RAB28: variants seen among roughly 807,000 people sequenced by gnomAD.
RAB28 encodes the protein ras-related protein Rab-28.
A neutral mutation model predicts 31.7 loss-of-function variants in RAB28; 24 were observed. The ratio of observed to expected loss-of-function variants is 0.76; its 90% CI spans 0.55 to 1.06. The LOEUF is 1.06. Ranked by LOEUF, RAB28 falls within the 50% of genes least tolerant of loss-of-function variation. The pLI, the probability that RAB28 is intolerant of heterozygous loss-of-function variation, is 0.00. For missense variants in RAB28, 254 were observed against 258.5 expected (o/e 0.98, Z 0.12); for synonymous variants, 100 against 90.4 (o/e 1.11, Z -0.60).
intron 6 of RAB28, chr4:13,370,121 GCACA>G (rs1728665479): frequency 1.0e-6 from 1 of 975,106 alleles, no homozygotes; most frequent in Non-Finnish European, 1.2e-6. Context: ...ACACACACAC[GCACA>G]CACAAACAGC....
chr4:13,466,636 G>T (rs1045095572), intron 3 of RAB28, among the ~76,000 whole-genome samples: 1 of 151,740 alleles, frequency 6.6e-6, no homozygotes, highest in African/African-American at 2.4e-5. Flanking sequence ...CTGTATGGAG[G>T]TTCCTCAAAA....
intron 4 of RAB28, among the ~76,000 whole-genome samples, chr4:13,414,647 G>A (rs1268156362): frequency 2.0e-5 from 3 of 152,124 alleles, no homozygotes; most frequent in African/African-American, 4.8e-5. Context: ...GACAAGGCTG[G>A]TACAAACTTC....
At chr4:13,447,068 AATCTATTATT>A (rs960829521) in intron 4 of RAB28, among the ~76,000 whole-genome samples, 1 of 151,934 alleles carries the variant, frequency 6.6e-6, no homozygotes, top group Non-Finnish European at 1.5e-5. Context: ...ACTGTGAGAG[AATCTATTATT>A]CCTAGCCAAC....
At chr4:13,421,567 C>G (rs1713147423) in intron 4 of RAB28, among the ~76,000 whole-genome samples, 1 of 151,942 alleles carries the variant, frequency 6.6e-6, no homozygotes, top group Admixed American at 6.6e-5. Flanking sequence ...ATAGAACAAT[C>G]TAACAGAACA....
rs552930752 is a variant in RAB28, at chr4:13,437,534, A to G, written c.391+23165T>C. 2.0e-5 allele frequency among the ~76,000 whole-genome samples: 3 copies of G among 152,172 alleles called. No homozygotes were observed. In the South Asian group the frequency reaches 6.2e-4, roughly 32 times the overall value. The stretch of plus-strand genomic sequence containing the variant: ...AGGAAAAAAAAATAACCGCAACAAA[A>G]AGTGGACTAATGACATACAACACTT... On this transcript the variant is annotated intron_variant, in intron 4 of 6. Coordinates refer to ENST00000330852, the MANE Select transcript of RAB28 (RefSeq NM_001017979.3).
intron 4 of RAB28, among the ~76,000 whole-genome samples, chr4:13,426,268 CT>C (rs1713483231): frequency 6.6e-6 from 1 of 152,130 alleles, no homozygotes; most frequent in South Asian, 2.1e-4. Context: ...GAAATTCATC[CT>C]CTTCTTAGTC....
At chr4:13,373,105 T>C (rs1381911689) in intron 6 of RAB28, among the ~76,000 whole-genome samples, 1 of 152,136 alleles carries the variant, frequency 6.6e-6, no homozygotes, top group Non-Finnish European at 1.5e-5. Flanking sequence ...CAAGTAGATA[T>C]GGCAAAACTT....
At chr4:13,413,963 T>G (rs1712603640) in intron 4 of RAB28, among the ~76,000 whole-genome samples, 1 of 152,144 alleles carries the variant, frequency 6.6e-6, no homozygotes, top group South Asian at 2.1e-4. Flanking sequence ...TATTTTCTCC[T>G]CAAGTGACAG....
chr4:13,397,415 T>A (rs536592029), intron 4 of RAB28, among the ~76,000 whole-genome samples: 1 of 152,254 alleles, frequency 6.6e-6, no homozygotes, highest in South Asian at 2.1e-4. Flanking sequence ...CTCTATTTCA[T>A]GACCTGGGAA....
chr4:13,373,235 T>C (rs1362053371), intron 6 of RAB28, among the ~76,000 whole-genome samples: 4 of 152,086 alleles, frequency 2.6e-5, no homozygotes, highest in Admixed American at 6.6e-5. Context: ...ACGGCAATTG[T>C]AAATTTATTT....
chr4:13,475,704 C>T (rs1013518441), intron 2 of RAB28, among the ~76,000 whole-genome samples: 3 of 151,510 alleles, frequency 2.0e-5, no homozygotes, highest in Admixed American at 6.6e-5. Flanking sequence ...ACCACAGACA[C>T]ACACTTTCAA....
intron 4 of RAB28, among the ~76,000 whole-genome samples, chr4:13,451,854 C>T (rs1714985345): frequency 6.6e-6 from 1 of 151,806 alleles, no homozygotes; most frequent in Non-Finnish European, 1.5e-5. Flanking sequence ...GTGTCCTTTC[C>T]CCACTGAGTG....
At chr4:13,408,545 G>C (rs1712236034) in intron 4 of RAB28, among the ~76,000 whole-genome samples, 4 of 152,000 alleles carry the variant, frequency 2.6e-5, no homozygotes, top group Admixed American at 2.6e-4. Flanking sequence ...GTTAAGGGAG[G>C]AGTCGCACTT....
chr4:13,375,749 T>C (rs1032648419), intron 6 of RAB28, among the ~76,000 whole-genome samples: 1 of 151,502 alleles, frequency 6.6e-6, no homozygotes, highest in Non-Finnish European at 1.5e-5. Context: ...ATTTCAAATA[T>C]TTGCTTCAAT....
At chr4:13,404,520 T>TTTATTAAAA (rs1711958986) in intron 4 of RAB28, among the ~76,000 whole-genome samples, 1 of 152,136 alleles carries the variant, frequency 6.6e-6, no homozygotes, top group Non-Finnish European at 1.5e-5. Context: ...TAATCAATTT[T>TTTATTAAAA]CACAAATTTT....
chr4:13,398,514 C>G (rs10034356), intron 4 of RAB28, among the ~76,000 whole-genome samples: 3,940 of 152,274 alleles, frequency 0.026, 96 homozygotes, highest in African/African-American at 0.066. Flanking sequence ...CGCGGTGGCT[C>G]ACGCCTGTAA....
chr4:13,453,991 T>C (rs764652408), intron 4 of RAB28, among the ~76,000 whole-genome samples: 2 of 152,146 alleles, frequency 1.3e-5, no homozygotes, highest in South Asian at 2.1e-4. Flanking sequence ...ATCCTATATT[T>C]TTTGCCACAA....
Position 13,448,242 on chromosome 4 carries a change from T to C in RAB28, c.391+12457A>G, listed in dbSNP as rs117930677. ...AATTCCTTTTTCACAAAGAAATGTT[T>C]CTATAGCTCTGTGTTCTTTATTTGA... is the stretch of plus-strand genomic sequence containing the variant. On this transcript the variant is annotated intron_variant, in intron 4 of 6. Transcript: ENST00000330852. Among the ~76,000 whole-genome samples, 56 of 152,240 alleles carry C rather than the reference T, an allele frequency of 3.7e-4. No individual in the cohort carries two copies. In the East Asian group the frequency reaches 0.011, roughly 29 times the overall value.
At chr4:13,421,872 G>A (rs995021396) in intron 4 of RAB28, among the ~76,000 whole-genome samples, 16 of 152,116 alleles carry the variant, frequency 1.1e-4, no homozygotes, top group East Asian at 5.8e-4. Flanking sequence ...CACCAAAAGC[G>A]ATGGCAGCAA....
Sources: gnomAD v4.1 joint callset for allele counts (sites outside exome capture counted in the v4.1 genomes callset) on GRCh38, gnomAD v4.1.1 for gene constraint, MANE v1.5 for transcripts, NCBI Gene and HGNC (gene_info 2026-07-23, HGNC 2026-07-21) for gene names.